SHLD1: variants seen among roughly 807,000 people sequenced by gnomAD.
SHLD1 encodes the protein RINN1-REV7-interacting novel NHEJ regulator 3.
SHLD1 carries 3 observed loss-of-function variants against 5.5 expected under a neutral mutation model. The observed-to-expected ratio is 0.54, with a 90% CI of 0.25 to 1.40. The LOEUF is 1.40. Among genes scored for constraint, SHLD1 ranks in the 40% most tolerant of loss-of-function variants. The pLI, the probability that SHLD1 is intolerant of heterozygous loss-of-function variation, is 0.15. For missense variants in SHLD1, 210 were observed against 244.4 expected, an observed-to-expected ratio of 0.86 and a Z score of 0.94; for synonymous variants, 92 against 94.3, an observed-to-expected ratio of 0.98 and a Z score of 0.14.
At chr20:5,792,203 G>T (rs2087150940) in intron 2 of SHLD1, among the ~76,000 whole-genome samples, 1 of 152,052 alleles carries the variant, frequency 6.6e-6, no homozygotes, top group Non-Finnish European at 1.5e-5. Context: ...AAGTTTTTGA[G>T]TTTGTCCATT....
chr20:5,805,725 C>T (rs564430201), intron 2 of SHLD1, among the ~76,000 whole-genome samples: 18 of 152,214 alleles, frequency 1.2e-4, no homozygotes, highest in South Asian at 8.3e-4. Context: ...CTCAGTCTCC[C>T]GAGTAGCTGT....
chr20:5,779,897 C>T (rs8119613), intron 2 of SHLD1, among the ~76,000 whole-genome samples: 41,495 of 151,450 alleles, frequency 0.27, 5,707 homozygotes, highest in Middle Eastern at 0.33. Context: ...ACCTGGCTCC[C>T]CCAGCTACTG....
In SHLD1 at chr20:5,855,087, A is replaced by G. The variant is rs2088065476; in HGVS notation, c.179-7937A>G. Among the ~76,000 whole-genome samples, 3 of 151,592 alleles carry G rather than the reference A, an allele frequency of 2.0e-5. No individual in the cohort carries two copies. Among genetic ancestry groups the G allele is most frequent in the Non-Finnish European group, 4.4e-5 (3 of 67,928 alleles). On this transcript the variant is annotated intron_variant, in intron 2 of 2. Transcript: ENST00000303142. The surrounding 1 kb of genome is among the most constrained non-coding windows in gnomAD (Gnocchi z 4.4). The stretch of plus-strand genomic sequence containing the variant: ...GAGGCAGGGTCTTGCTATGTTGCCT[A>G]GGTTGGTCTCAAACTCCTGGCTTCA...
intron 2 of SHLD1, among the ~76,000 whole-genome samples, chr20:5,860,574 A>G (rs904563871): frequency 6.6e-6 from 1 of 152,148 alleles, no homozygotes; most frequent in African/African-American, 2.4e-5. Flanking sequence ...TACAATGAAA[A>G]GATGAAGTTT....
At chr20:5,854,983 C>T (rs2088063680) in intron 2 of SHLD1, among the ~76,000 whole-genome samples, 1 of 151,860 alleles carries the variant, frequency 6.6e-6, no homozygotes, top group African/African-American at 2.4e-5. Context: ...AAGTGATCCT[C>T]CCACCTCAGC....
intron 2 of SHLD1, among the ~76,000 whole-genome samples, chr20:5,795,601 CAAAAA>C (rs56723415): frequency 6.0e-5 from 4 of 67,086 alleles, no homozygotes; most frequent in Admixed American, 3.9e-4. Flanking sequence ...TCTGGTCTCG[CAAAAA>C]AAAAAAAAAA....
chr20:5,820,313 G>T (rs1568519019), intron 2 of SHLD1, among the ~76,000 whole-genome samples: 2 of 152,226 alleles, frequency 1.3e-5, no homozygotes, highest in African/African-American at 4.8e-5. Flanking sequence ...CCTGCACCAT[G>T]CTACGCCAAT....
chr20:5,777,301 C>T (rs921433776), intron 2 of SHLD1, among the ~76,000 whole-genome samples: 2 of 151,834 alleles, frequency 1.3e-5, no homozygotes, highest in Non-Finnish European at 2.9e-5. Flanking sequence ...AACATCACCA[C>T]TTTTAATTCT....
chr20:5,778,841 A>G (rs1985559586), intron 2 of SHLD1, among the ~76,000 whole-genome samples: 1 of 152,218 alleles, frequency 6.6e-6, no homozygotes, highest in Non-Finnish European at 1.5e-5. Flanking sequence ...ACTTTTACAC[A>G]GCATGGAAGG....
At chr20:5,862,204 A>G (rs2088172069) in intron 2 of SHLD1, among the ~76,000 whole-genome samples, 1 of 152,220 alleles carries the variant, frequency 6.6e-6, no homozygotes, top group South Asian at 2.1e-4. Context: ...AGTCCATAGC[A>G]TAGTGATAGC....
intron 2 of SHLD1, among the ~76,000 whole-genome samples, chr20:5,804,406 GA>G (rs1024152750): frequency 2.7e-5 from 4 of 146,974 alleles, no homozygotes; most frequent in East Asian, 2.0e-4. Context: ...AAAAAAACTA[GA>G]AAAAAAAACC....
intron 2 of SHLD1, among the ~76,000 whole-genome samples, chr20:5,838,503 G>A (rs962922751): frequency 2.0e-5 from 3 of 152,234 alleles, no homozygotes; most frequent in Non-Finnish European, 2.9e-5. Flanking sequence ...GCTCATGCCT[G>A]TAATCCCAAC....
At chr20:5,764,687 T>C (rs1984726885) in intron 1 of SHLD1, among the ~76,000 whole-genome samples, 2 of 152,032 alleles carry the variant, frequency 1.3e-5, no homozygotes. Flanking sequence ...CATCAGACCT[T>C]TTATTAAGAT....
intron 2 of SHLD1, among the ~76,000 whole-genome samples, chr20:5,785,371 G>T (rs954549149): frequency 1.3e-5 from 2 of 152,132 alleles, no homozygotes; most frequent in Non-Finnish European, 2.9e-5. Flanking sequence ...GTTTTAGAGA[G>T]GCTCGTTTCA....
Position 5,854,615 on chromosome 20 carries a change from C to T in SHLD1, c.179-8409C>T, listed in dbSNP as rs1347465374. On this transcript the variant is annotated intron_variant, in intron 2 of 2. Transcript: ENST00000303142. ...AACGTAAGGCAGGGAAGGGAGATAG[C>T]GACAGCCAAGACTCAGGGGAGTGGG... Among the ~76,000 whole-genome samples, 11 of 152,124 alleles carry T rather than the reference C, an allele frequency of 7.2e-5. No homozygotes were observed. The South Asian group carries it at 8.3e-4, about 12-fold the overall frequency.
chr20:5,772,885 C>T lies in SHLD1; in HGVS notation c.20C>T (p.Thr7Ile), dbSNP rs149591459. Reference protein sequence around the residue: MAARDATSGSLSEESSA... With the variant: MAARDAISGSLSEESSA... The stretch of plus-strand genomic sequence containing the variant: ...AGGACTATGGCAGCCAGGGACGCCA[C>T]TTCAGGCAGCCTGTCAGAGGAGAGC... Residue 7 changes from threonine to isoleucine, a missense_variant, in exon 2 of 3, where the codon ACT (threonine) becomes ATT (isoleucine). Thr to Ile is a moderately conservative substitution (Grantham distance 89, BLOSUM62 -1). Coordinates refer to ENST00000303142, the MANE Select transcript of SHLD1 (RefSeq NM_152504.4). The T allele has an allele frequency of 6.2e-7, 1 of 1,613,084 alleles. No homozygotes were observed. Among genetic ancestry groups the T allele is most frequent in the Non-Finnish European group, 8.5e-7 (1 of 1,179,496 alleles).
chr20:5,799,418 G>A (rs2087259303), intron 2 of SHLD1, among the ~76,000 whole-genome samples: 1 of 150,528 alleles, frequency 6.6e-6, no homozygotes, highest in African/African-American at 2.5e-5. Context: ...CTCCTATCTT[G>A]GCCCCCCAAG....
intron 2 of SHLD1, among the ~76,000 whole-genome samples, chr20:5,799,492 T>A (rs112317437): frequency 0.011 from 724 of 66,334 alleles, 8 homozygotes; most frequent in Non-Finnish European, 0.015. Flanking sequence ...TTTTTTTTTT[T>A]TGGAGAGACA....
intron 2 of SHLD1, among the ~76,000 whole-genome samples, chr20:5,822,542 G>A (rs1023275957): frequency 6.6e-6 from 1 of 152,110 alleles, no homozygotes; most frequent in Non-Finnish European, 1.5e-5. Flanking sequence ...ATGTGTGTGA[G>A]TGTGTGTGCT....
Sources: allele counts gnomAD v4.1 joint callset (sites outside exome capture counted in the v4.1 genomes callset), GRCh38; gene constraint gnomAD v4.1.1; non-coding constraint Gnocchi (gnomAD v3.1); transcripts MANE v1.5; gene names NCBI Gene and HGNC (gene_info 2026-07-23, HGNC 2026-07-21).